The following MARK4 variants were observed in gnomAD, a reference collection of about 807,000 sequenced individuals.
The protein encoded by MARK4 is microtubule affinity regulating kinase 4.
In MARK4, 19 loss-of-function variants were observed where a neutral mutation model predicts 81.5. That is an observed-to-expected ratio of 0.23 (90% confidence interval 0.16 to 0.34). The LOEUF (loss-of-function observed/expected upper bound fraction) is 0.34, where lower values mean the gene tolerates loss of function less well. Ranked by LOEUF, MARK4 falls within the 10% of genes least tolerant of loss-of-function variation. The pLI is 1.00. For missense variants in MARK4, 772 were observed against 1,058.8 expected (o/e 0.73, Z 3.76); for synonymous variants, 436 against 439.0 (o/e 0.99, Z 0.08).
intron 2 of MARK4, among the ~76,000 whole-genome samples, chr19:45,261,024 T>C (rs1805493928): frequency 2.0e-5 from 3 of 152,164 alleles, no homozygotes; most frequent in African/African-American, 7.2e-5. Flanking sequence ...CACCCCTCCT[T>C]CAACTTCAGA....
At chr19:45,280,319 G>A (rs947313772) in intron 10 of MARK4, 55 bp from the exon 11 acceptor site, 11 of 1,484,924 alleles carry the variant, frequency 7.4e-6, no homozygotes, top group South Asian at 1.1e-5. Context: ...AAGAGAAATG[G>A]ATGGAAGTTA....
intron 8 of MARK4, among the ~76,000 whole-genome samples, chr19:45,274,619 A>C (rs993381736): frequency 1.3e-5 from 2 of 152,154 alleles, no homozygotes; most frequent in Admixed American, 6.6e-5. Context: ...TGACAGAGCA[A>C]GACTCTGTCT....
At chr19:45,301,018 G>T (rs376138285) in intron 16 of MARK4, among the ~76,000 whole-genome samples, 2 of 152,244 alleles carry the variant, frequency 1.3e-5, no homozygotes, top group South Asian at 4.2e-4. Flanking sequence ...TCTTTGTTGT[G>T]CAGGGCCCTC....
In MARK4 at chr19:45,264,664, A is replaced by G. The variant is rs1409403617; in HGVS notation, c.356-20A>G. ...GGGCCCTTTCTCCCTAATGCCCTAC[A>G]CTGTTCCCAACCATTATAGTGAAGC... On this transcript the variant is annotated intron_variant, in intron 4 of 16. Transcript: ENST00000262891. 11 of 1,613,620 alleles carry G rather than the reference A, an allele frequency of 6.8e-6. No individual in the cohort carries two copies. The highest frequency in any genetic ancestry group is 3.3e-5 in the South Asian group (3 of 91,052).
intron 12 of MARK4, among the ~76,000 whole-genome samples, chr19:45,282,594 G>A (rs931685489): frequency 6.6e-6 from 1 of 152,084 alleles, no homozygotes; most frequent in African/African-American, 2.4e-5. Context: ...TTAGGAAGCC[G>A]AGGTGGGAGG....
chr19:45,259,860 G>C (rs1970358518), intron 2 of MARK4, among the ~76,000 whole-genome samples: 1 of 152,194 alleles, frequency 6.6e-6, no homozygotes, highest in Admixed American at 6.5e-5. Context: ...GCTGAGGCAG[G>C]TGGATTGCTT....
At chr19:45,292,050 G>A (rs1275574513) in intron 13 of MARK4, among the ~76,000 whole-genome samples, 4 of 152,212 alleles carry the variant, frequency 2.6e-5, no homozygotes, top group African/African-American at 9.6e-5. Context: ...AACCTGAGCT[G>A]CAAAGGATTC....
intron 9 of MARK4, 105 bp from the exon 10 acceptor site, chr19:45,278,411 A>G: frequency 9.9e-7 from 1 of 1,010,788 alleles, no homozygotes; most frequent in East Asian, 2.4e-5. Flanking sequence ...GAAGCCCGCA[A>G]TTCTGGGTGT....
intron 14 of MARK4, among the ~76,000 whole-genome samples, chr19:45,297,132 T>G (rs1021746915): frequency 6.6e-6 from 1 of 151,620 alleles, no homozygotes; most frequent in African/African-American, 2.4e-5. Flanking sequence ...GCAGGAGAAT[T>G]GAACTCAGGA....
chr19:45,253,446 G>T (rs1006998484), intron 1 of MARK4, among the ~76,000 whole-genome samples: 1 of 152,170 alleles, frequency 6.6e-6, no homozygotes, highest in African/African-American at 2.4e-5. Context: ...CCCTTTCTGA[G>T]CCTCAGTTTC....
chr19:45,296,901 C>A (rs1970894486), intron 14 of MARK4, among the ~76,000 whole-genome samples: 1 of 152,062 alleles, frequency 6.6e-6, no homozygotes, highest in Non-Finnish European at 1.5e-5. Context: ...AATACATAAA[C>A]TACCCAGGCG....
chr19:45,268,865 C>T (rs972412129), intron 7 of MARK4, among the ~76,000 whole-genome samples: 3 of 152,222 alleles, frequency 2.0e-5, no homozygotes, highest in Non-Finnish European at 4.4e-5. Flanking sequence ...CTCTTCACTT[C>T]CTTCCACTGG....
intron 15 of MARK4, 96 bp from the exon 16 acceptor site, chr19:45,299,715 G>A (rs904776315): frequency 4.5e-6 from 5 of 1,115,242 alleles, no homozygotes; most frequent in Middle Eastern, 2.8e-4. Context: ...GACTGGGGTT[G>A]AGGCAGGGGC....
At chr19:45,263,508 G>T in intron 4 of MARK4, 141 bp downstream of exon 4, 1 of 958,006 alleles carries the variant, frequency 1.0e-6, no homozygotes, top group Non-Finnish European at 1.6e-6. Flanking sequence ...TAGGGAGGCC[G>T]AGGCGGGTGG....
chr19:45,279,213 G>A (rs559864849), intron 10 of MARK4, among the ~76,000 whole-genome samples: 4 of 151,674 alleles, frequency 2.6e-5, no homozygotes, highest in South Asian at 2.1e-4. Context: ...GGGTGAGACC[G>A]TGTCTCAAAA....
chr19:45,259,061 T>C lies in MARK4; in HGVS notation c.124T>C (p.Cys42Arg). Residue 42 changes from cysteine to arginine, a missense_variant, in exon 2 of 17, where the codon TGC (cysteine) becomes CGC (arginine). By Grantham distance (180) the Cys-to-Arg change is radical (BLOSUM62 -3). This residue lies in a region of MARK4 where 115 missense variants were observed against 139.8 expected (regional missense o/e 0.82). Transcript: ENST00000262891. ...GTCCAGCCGCTCACTGGGTGCCCGT[T>C]GCCGGAACTCCATCGCCTCCTGTCC... ...SWSSRSLGARCRNSIASCPEE... is the reference protein window; with the variant it reads ...SWSSRSLGARRRNSIASCPEE... The C allele has an allele frequency of 1.2e-6, 2 of 1,614,054 alleles. No individual in the cohort carries two copies. Among genetic ancestry groups the C allele is most frequent in the Non-Finnish European group, 1.7e-6 (2 of 1,180,030 alleles).
Position 45,297,806 on chromosome 19 carries a change from C to T in MARK4, c.1729C>T (p.Arg577Trp), listed in dbSNP as rs763492742. The change falls in exon 15 of 17, where the codon CGG becomes TGG. Residue 577 changes from arginine to tryptophan, a missense_variant. Physicochemically the swap from Arg to Trp is moderately radical, Grantham distance 101. Coordinates refer to ENST00000262891, the MANE Select transcript of MARK4 (RefSeq NM_001199867.2). ...STFHGGQVRD[R>W]RAGGGGGGGV... ...CTTCCATGGTGGCCAGGTCCGGGAC[C>T]GGCGGGCAGGGGGTGGGGGTGGTGG... The T allele has an allele frequency of 8.1e-5, 111 of 1,368,900 alleles. No homozygotes were observed. The highest frequency in any genetic ancestry group is 2.0e-4 in the Middle Eastern group (1 of 5,022). The allele number at this position is 1,368,900 out of a possible 1,614,324, so 84.8% of individuals were successfully genotyped here.
chr19:45,277,914 T>A lies in MARK4; in HGVS notation c.787-9T>A. ...CAGACCCCCTCCTCCAGTAACCCCATCCCTGCAGGAGCTGCGGGAGCGAGT... is the reference window on the plus strand; with the variant it reads ...CAGACCCCCTCCTCCAGTAACCCCAACCCTGCAGGAGCTGCGGGAGCGAGT... On this transcript the variant is annotated splice_polypyrimidine_tract_variant and intron_variant, in intron 8 of 16. Transcript: ENST00000262891. 6.3e-7 allele frequency: 1 copy of A among 1,590,426 alleles called. No homozygotes were observed. The highest frequency in any genetic ancestry group is 8.6e-7 in the Non-Finnish European group (1 of 1,165,380).
rs780566324 is a variant in MARK4, at chr19:45,302,468, C to T, written c.2017C>T (p.Leu673=). 14 of 1,612,702 alleles carry T rather than the reference C, an allele frequency of 8.7e-6. No individual in the cohort carries two copies. Among genetic ancestry groups the T allele is most frequent in the Non-Finnish European group, 1.2e-5 (14 of 1,179,844 alleles). The part of the protein sequence containing the change: ...KLTSSRPPEA[L]MAALRQATAA... ...GACCAGCTCGCGCCCTCCTGAGGCC[C>T]TGATGGCAGCTCTGCGCCAGGCCAC... is the stretch of plus-strand genomic sequence containing the variant. The change falls in exon 17 of 17, where the codon CTG becomes TTG. Residue 673 remains leucine (L), a synonymous_variant. Transcript: ENST00000262891. This position sits in a 1 kb window ranked among gnomAD's most constrained non-coding sequence, Gnocchi z 4.9.
Sources: allele counts gnomAD v4.1 joint callset (sites outside exome capture counted in the v4.1 genomes callset), GRCh38; gene constraint gnomAD v4.1.1; regional missense constraint gnomAD v4.1.1; non-coding constraint Gnocchi (gnomAD v3.1); transcripts MANE v1.5; gene names NCBI Gene and HGNC (gene_info 2026-07-23, HGNC 2026-07-21).